The following KLHL13 variants were observed in gnomAD, a reference collection of about 807,000 sequenced individuals.
The protein encoded by KLHL13 is kelch like family member 13, also known as kelch-like protein 13.
A neutral mutation model predicts 37.1 loss-of-function variants in KLHL13; 10 were observed. The observed-to-expected ratio is 0.27, with a 90% CI of 0.17 to 0.46. The LOEUF is 0.46. Ranked by LOEUF, KLHL13 falls within the 20% of genes least tolerant of loss-of-function variation. The probability of loss-of-function intolerance (pLI) is 1.00; values close to 1 mark genes in which losing one functional copy is unlikely to be tolerated. For missense variants in KLHL13, 360 were observed against 509.3 expected, an observed-to-expected ratio of 0.71 and a Z score of 2.82; for synonymous variants, 163 against 181.2, an observed-to-expected ratio of 0.90 and a Z score of 0.81.
At chrX:117,985,328 TAA>T in intron 1 of KLHL13, 1 of 1,132,531 alleles carries the variant, frequency 8.8e-7, no homozygotes, top group Non-Finnish European at 1.2e-6. Context: ...TCTGGAGTTT[TAA>T]AGTTAAGAGC....
chrX:117,972,708 A>G (rs989596286), intron 1 of KLHL13: 31 of 1,167,278 alleles, frequency 2.7e-5, no homozygotes, highest in African/African-American at 3.5e-5. Context: ...TCCCACTTTA[A>G]TATCCTATTT....
intron 2 of KLHL13, among the ~76,000 whole-genome samples, chrX:117,926,018 A>C (rs1315537923): frequency 9.0e-6 from 1 of 111,607 alleles, no homozygotes; most frequent in Non-Finnish European, 1.9e-5. Flanking sequence ...GCTATCTCTC[A>C]CACAATCATC....
intron 4 of KLHL13, among the ~76,000 whole-genome samples, chrX:117,916,099 G>A (rs111345227): frequency 0.023 from 2,486 of 110,230 alleles, 75 homozygotes; most frequent in African/African-American, 0.077. Context: ...CGGAGGTTGC[G>A]ATGAGCCAAG....
At chrX:117,953,392 T>G (rs1486941742) in intron 1 of KLHL13, among the ~76,000 whole-genome samples, 2 of 109,010 alleles carry the variant, frequency 1.8e-5, no homozygotes, top group Non-Finnish European at 3.8e-5. Context: ...CATCACACTC[T>G]GGGGACTGTT....
intron 1 of KLHL13, among the ~76,000 whole-genome samples, chrX:118,082,574 G>C (rs1449260803): frequency 9.0e-6 from 1 of 111,296 alleles, no homozygotes; most frequent in African/African-American, 3.3e-5. Context: ...ACTCTTGATT[G>C]TTTCCTAGCT....
intron 1 of KLHL13, among the ~76,000 whole-genome samples, chrX:118,083,748 T>C (rs1261144224): frequency 9.0e-6 from 1 of 111,731 alleles, no homozygotes; most frequent in Non-Finnish European, 1.9e-5. Context: ...AAATGACATG[T>C]ATTTGAGATG....
intron 1 of KLHL13, among the ~76,000 whole-genome samples, chrX:118,019,562 T>C (rs1239837497): frequency 9.0e-6 from 1 of 111,471 alleles, no homozygotes; most frequent in Non-Finnish European, 1.9e-5. Flanking sequence ...CATGAAGTCC[T>C]TGCCCATGCC....
At chrX:117,950,230 G>A (rs1156521087) in intron 1 of KLHL13, among the ~76,000 whole-genome samples, 1 of 112,453 alleles carries the variant, frequency 8.9e-6, no homozygotes, top group Non-Finnish European at 1.9e-5. Flanking sequence ...ACTTTGGGAG[G>A]CCAAAGCAGG....
intron 4 of KLHL13, among the ~76,000 whole-genome samples, chrX:117,918,404 A>C (rs1488485207): frequency 1.8e-5 from 2 of 111,859 alleles, no homozygotes; most frequent in Non-Finnish European, 3.8e-5. Context: ...TGTTCAAAAA[A>C]TGTAAGTTGT....
At chrX:118,029,715 T>C (rs1168953384) in intron 1 of KLHL13, among the ~76,000 whole-genome samples, 1 of 112,066 alleles carries the variant, frequency 8.9e-6, no homozygotes, top group Admixed American at 9.5e-5. Flanking sequence ...ATGCCTATAA[T>C]CCCAGCACTT....
At chrX:118,020,484 A>C (rs1404171327) in intron 1 of KLHL13, among the ~76,000 whole-genome samples, 1 of 111,133 alleles carries the variant, frequency 9.0e-6, no homozygotes, top group Admixed American at 9.6e-5. Context: ...TTAAAAAGTC[A>C]GGAAACAACA....
At position 118,058,299 on chromosome X, in the gene KLHL13, C is replaced by T. The variant is rs189683495; in HGVS notation, c.-56+58209G>A. Among the ~76,000 whole-genome samples the T allele has an allele frequency of 2.2e-4, 24 of 110,973 alleles. No individual in the cohort carries two copies. The East Asian group carries it at 6.5e-3, about 30-fold the overall frequency. On this transcript the variant is annotated intron_variant, in intron 1 of 6. Transcript: ENST00000371882. ...CAGAAATCCCTTCCCCTACTCCCCC[C>T]CTCATTTTTATTTCTCTTACACACA...
At chrX:118,001,351 A>G (rs1169934863) in intron 1 of KLHL13, among the ~76,000 whole-genome samples, 2 of 112,224 alleles carry the variant, frequency 1.8e-5, no homozygotes, top group Admixed American at 1.9e-4. Context: ...ATGATATTTA[A>G]GCAGCAAAAG....
intron 1 of KLHL13, among the ~76,000 whole-genome samples, chrX:118,045,536 G>C (rs2054551040): frequency 9.0e-6 from 1 of 111,141 alleles, no homozygotes; most frequent in Non-Finnish European, 1.9e-5. Flanking sequence ...AGACATGATG[G>C]TTCACGCCTG....
chrX:117,955,496 G>A (rs764568620), intron 1 of KLHL13, among the ~76,000 whole-genome samples: 56 of 111,392 alleles, frequency 5.0e-4, no homozygotes, highest in Non-Finnish European at 9.8e-4. Context: ...GTAATGGCCT[G>A]GAGTCATCTC....
intron 2 of KLHL13, among the ~76,000 whole-genome samples, chrX:117,930,359 A>T (rs1027871989): frequency 9.2e-6 from 1 of 108,975 alleles, no homozygotes; most frequent in Non-Finnish European, 1.9e-5. Flanking sequence ...GCAGGCAGGC[A>T]GGCTTATTTA....
At chrX:117,995,533 C>T (rs955450193) in intron 1 of KLHL13, among the ~76,000 whole-genome samples, 1 of 111,379 alleles carries the variant, frequency 9.0e-6, no homozygotes, top group Non-Finnish European at 1.9e-5. Flanking sequence ...CTGCACCTAT[C>T]AAGTAAACAA....
intron 1 of KLHL13, among the ~76,000 whole-genome samples, chrX:117,972,299 A>C (rs1420605850): frequency 4.5e-5 from 5 of 111,907 alleles, no homozygotes; most frequent in Non-Finnish European, 9.4e-5. Context: ...ATCAATGTTA[A>C]CTCTGTTTTT....
At chrX:118,038,586 A>T (rs1399200936) in intron 1 of KLHL13, among the ~76,000 whole-genome samples, 2 of 111,458 alleles carry the variant, frequency 1.8e-5, no homozygotes, top group Non-Finnish European at 3.8e-5. Context: ...TCAGCCAACG[A>T]CCATGGAGGG....
Sources: gnomAD v4.1 joint callset for allele counts (sites outside exome capture counted in the v4.1 genomes callset) on GRCh38, gnomAD v4.1.1 for gene constraint, MANE v1.5 for transcripts, NCBI Gene and HGNC (gene_info 2026-07-23, HGNC 2026-07-21) for gene names.